KCNT2: variants seen among roughly 807,000 people sequenced by gnomAD.
KCNT2 encodes the protein potassium sodium-activated channel subfamily T member 2, also known as potassium channel subfamily T member 2.
Under a neutral mutation model 153.8 loss-of-function variants are expected in KCNT2, and 67 were observed. The ratio of observed to expected loss-of-function variants is 0.44; its 90% CI spans 0.36 to 0.53. KCNT2 has a LOEUF of 0.53. Ranked by LOEUF, KCNT2 falls within the 20% of genes least tolerant of loss-of-function variation. The probability of loss-of-function intolerance (pLI) is 0.00; values close to 1 mark genes in which losing one functional copy is unlikely to be tolerated. For missense variants in KCNT2, 975 were observed against 1,354.8 expected (o/e 0.72, Z 4.40); for synonymous variants, 500 against 458.8 (o/e 1.09, Z -1.15).
rs896938661 is a variant in KCNT2, at chr1:196,351,024, C to A, written c.1404-8796G>T. On this transcript the variant is annotated intron_variant, in intron 14 of 27. Transcript: ENST00000294725. Reference sequence around the variant, plus strand: ...AGATCAGATAGTTGTAGATATGTGGCGTTATTTCTGAGGGCTCTGTTCTGT... The same window carrying A: ...AGATCAGATAGTTGTAGATATGTGGAGTTATTTCTGAGGGCTCTGTTCTGT... Among the ~76,000 whole-genome samples the A allele has an allele frequency of 2.0e-5, 3 of 152,032 alleles. 1 individual carries two copies. Among genetic ancestry groups the A allele is most frequent in the Non-Finnish European group, 4.4e-5 (3 of 68,006 alleles).
intron 1 of KCNT2, among the ~76,000 whole-genome samples, chr1:196,502,844 T>C (rs1680810499): frequency 6.6e-6 from 1 of 152,052 alleles, no homozygotes; most frequent in African/African-American, 2.4e-5. Flanking sequence ...GCAACCCCAA[T>C]TTGATTTAAA....
At chr1:196,524,525 A>C (rs559027848) in intron 1 of KCNT2, among the ~76,000 whole-genome samples, 1 of 152,300 alleles carries the variant, frequency 6.6e-6, no homozygotes, top group African/African-American at 2.4e-5. Context: ...ATATTTCACT[A>C]AATACAATGA....
intron 26 of KCNT2, among the ~76,000 whole-genome samples, chr1:196,256,934 TCTTA>T (rs932100195): frequency 3.3e-5 from 5 of 152,038 alleles, no homozygotes; most frequent in Non-Finnish European, 7.4e-5. Context: ...AAAATGACGA[TCTTA>T]CTTTTTCTTT....
At chr1:196,324,933 G>C (rs1230304382) in intron 19 of KCNT2, among the ~76,000 whole-genome samples, 1 of 152,038 alleles carries the variant, frequency 6.6e-6, no homozygotes, top group Non-Finnish European at 1.5e-5. Context: ...AAACCAAACA[G>C]AAAGGGATTG....
chr1:196,495,556 C>G (rs1680187282), intron 1 of KCNT2, among the ~76,000 whole-genome samples: 1 of 151,982 alleles, frequency 6.6e-6, no homozygotes, highest in African/African-American at 2.4e-5. Flanking sequence ...TTCTGACCTC[C>G]CTACCTCCAT....
intron 5 of KCNT2, among the ~76,000 whole-genome samples, chr1:196,474,881 G>C (rs1291993468): frequency 6.6e-6 from 1 of 152,184 alleles, no homozygotes; most frequent in Non-Finnish European, 1.5e-5. Flanking sequence ...ACTTCTGTAT[G>C]ACAGAAGACA....
intron 26 of KCNT2, among the ~76,000 whole-genome samples, chr1:196,238,506 C>T (rs1435474464): frequency 6.6e-6 from 1 of 151,948 alleles, no homozygotes; most frequent in Non-Finnish European, 1.5e-5. Context: ...TTCCTCACCC[C>T]TCACTGACTT....
At chr1:196,465,428 A>G (rs768981437) in intron 7 of KCNT2, 41 bp from the exon 8 acceptor site, 50 of 1,069,610 alleles carry the variant, frequency 4.7e-5, no homozygotes, top group Non-Finnish European at 6.6e-5. Flanking sequence ...TTTGATAAAT[A>G]CTAAATATGC....
chr1:196,445,649 T>C (rs1675625272), intron 8 of KCNT2, among the ~76,000 whole-genome samples: 1 of 151,428 alleles, frequency 6.6e-6, no homozygotes, highest in Non-Finnish European at 1.5e-5. Flanking sequence ...AGTTTCATAA[T>C]AAGCTCTGCT....
intron 1 of KCNT2, among the ~76,000 whole-genome samples, chr1:196,565,096 T>G (rs990497716): frequency 4.2e-5 from 5 of 117,722 alleles, no homozygotes; most frequent in African/African-American, 1.6e-4. Context: ...ACAAAATAAA[T>G]AGAAAAAAAA....
At chr1:196,235,714 C>T (rs1253036741) in intron 27 of KCNT2, among the ~76,000 whole-genome samples, 1 of 151,338 alleles carries the variant, frequency 6.6e-6, no homozygotes, top group Non-Finnish European at 1.5e-5. Flanking sequence ...TTTTATTCTT[C>T]CACGTCTTCA....
At chr1:196,385,993 C>T (rs879000834) in intron 13 of KCNT2, among the ~76,000 whole-genome samples, 1 of 151,970 alleles carries the variant, frequency 6.6e-6, no homozygotes, top group Admixed American at 6.6e-5. Flanking sequence ...AAGGCTATGC[C>T]GTAAAAGGCA....
intron 14 of KCNT2, among the ~76,000 whole-genome samples, chr1:196,357,373 G>T (rs963892121): frequency 6.6e-6 from 1 of 151,826 alleles, no homozygotes; most frequent in African/African-American, 2.4e-5. Flanking sequence ...GTTTTAATTT[G>T]CTTTATCATA....
At chr1:196,237,534 T>C (rs776841832) in intron 26 of KCNT2, among the ~76,000 whole-genome samples, 2 of 151,758 alleles carry the variant, frequency 1.3e-5, no homozygotes, top group Non-Finnish European at 2.9e-5. Flanking sequence ...AAATAGAGAA[T>C]GCCCATGAAA....
intron 1 of KCNT2, among the ~76,000 whole-genome samples, chr1:196,501,506 T>C (rs1463152084): frequency 6.6e-6 from 1 of 152,190 alleles, no homozygotes; most frequent in Non-Finnish European, 1.5e-5. Context: ...AAGTCATATA[T>C]TGCATATCCT....
intron 13 of KCNT2, among the ~76,000 whole-genome samples, chr1:196,393,790 G>A (rs1006692167): frequency 5.3e-5 from 8 of 151,518 alleles, no homozygotes; most frequent in Non-Finnish European, 8.9e-5. Flanking sequence ...CAACATGGAA[G>A]CATAAGGTTT....
intron 1 of KCNT2, among the ~76,000 whole-genome samples, chr1:196,517,852 A>G (rs558654268): frequency 3.5e-4 from 53 of 152,360 alleles, no homozygotes; most frequent in African/African-American, 1.2e-3. Context: ...ATTTCAGGAT[A>G]CTGTCCATGA....
At chr1:196,363,549 C>T (rs1370623685) in intron 14 of KCNT2, among the ~76,000 whole-genome samples, 1 of 152,018 alleles carries the variant, frequency 6.6e-6, no homozygotes, top group Non-Finnish European at 1.5e-5. Flanking sequence ...CCTAATAAGG[C>T]CTTATTAGTT....
chr1:196,288,003 C>G (rs1659829588), intron 22 of KCNT2, among the ~76,000 whole-genome samples: 1 of 151,778 alleles, frequency 6.6e-6, no homozygotes, highest in Admixed American at 6.6e-5. Flanking sequence ...GTAGAAAAGC[C>G]AGAGAGCTGA....
Sources: allele counts gnomAD v4.1 joint callset (sites outside exome capture counted in the v4.1 genomes callset), GRCh38; gene constraint gnomAD v4.1.1; transcripts MANE v1.5; gene names NCBI Gene and HGNC (gene_info 2026-07-23, HGNC 2026-07-21).